Variants in COMP observed in about 807,000 individuals in gnomAD.
The protein encoded by COMP is cartilage oligomeric matrix protein (pseudoachondroplasia, epiphyseal dysplasia 1, multiple).
In COMP, 79 loss-of-function variants were observed where a neutral mutation model predicts 95.8. The observed-to-expected ratio is 0.82, with a 90% confidence interval of 0.69 to 0.99. The LOEUF (loss-of-function observed/expected upper bound fraction) is 0.99. Among genes scored for constraint, COMP ranks in the 50% least tolerant of loss-of-function variants. COMP has a pLI of 0.00. For missense variants in COMP, 906 were observed against 1,076.1 expected, an observed-to-expected ratio of 0.84 and a Z score of 2.21; for synonymous variants, 438 against 433.9, an observed-to-expected ratio of 1.01 and a Z score of -0.12.
In COMP at chr19:18,784,859, G is replaced by A. The variant is rs1214447038; in HGVS notation, c.1914+37C>T. The A allele has an allele frequency of 1.2e-6, 2 of 1,608,346 alleles. No homozygotes were observed. Among genetic ancestry groups the A allele is most frequent in the East Asian group, 2.2e-5 (1 of 44,862 alleles). On this transcript the variant is annotated intron_variant, in intron 16 of 18. Transcript: ENST00000222271. This position sits in a 1 kb window ranked among gnomAD's most constrained non-coding sequence, Gnocchi z 4.9. ...TTTACGGAGGGTCATGGGAGGGCAT[G>A]AGGACCGCAGAGGTCAGGCACGGAC...
chr19:18,788,465 TCA>T lies in COMP; in HGVS notation c.810_811del (p.Asp271ProfsTer18). 6.6e-7 allele frequency: 1 copy of T among 1,522,864 alleles called. No homozygotes were observed. Among genetic ancestry groups the T allele is most frequent in the South Asian group, 1.1e-5 (1 of 89,514 alleles). The allele number at this position is 1,522,864 out of a possible 1,614,324, so 94.3% of individuals were successfully genotyped here. On this transcript the variant is annotated frameshift_variant, in exon 8 of 19. Transcript: ENST00000222271. LOFTEE classifies it high-confidence loss of function. This position sits in a 1 kb window ranked among gnomAD's most constrained non-coding sequence, Gnocchi z 4.7. ...CTTCTCGTCCGGGAAGCCGTCTAGG[TCA>T]GTGTCGCGACCACAGAGGATCCCGT... is the stretch of plus-strand genomic sequence containing the variant.
At position 18,782,831 on chromosome 19, in the gene COMP, C is replaced by T. The variant is rs186977122; in HGVS notation, c.*84G>A. 33 of 1,479,356 alleles carry T rather than the reference C, an allele frequency of 2.2e-5. No homozygotes were observed. Among genetic ancestry groups the T allele is most frequent in the Middle Eastern group, 2.4e-4 (1 of 4,250 alleles). The allele number at this position is 1,479,356 out of a possible 1,614,324, so 91.6% of individuals were successfully genotyped here. On this transcript the variant is annotated 3_prime_UTR_variant, in exon 19 of 19. Transcript: ENST00000222271. ...AGCCCTTCTCACTTCCCCCTCAGGA[C>T]GGCCACCCCTTGGGGCTGGGTGCAG...
At position 18,784,376 on chromosome 19, in the gene COMP, A is replaced by G. The variant is rs1341183010; in HGVS notation, c.1915-13T>C. 4 of 1,613,722 alleles carry G rather than the reference A, an allele frequency of 2.5e-6. No individual in the cohort carries two copies. The highest frequency in any genetic ancestry group is 1.1e-5 in the South Asian group (1 of 91,072). ...AAGACTTCACAGCCTGCCAATACCC[A>G]GGAAAGGTGGTCAGAGACCTCGTGG... On this transcript the variant is annotated splice_polypyrimidine_tract_variant and intron_variant, in intron 16 of 18. Coordinates refer to ENST00000222271, the MANE Select transcript of COMP (RefSeq NM_000095.3). The surrounding 1 kb of genome is among the most constrained non-coding windows in gnomAD (Gnocchi z 4.9).
Position 18,787,474 on chromosome 19 carries a change from A to G in COMP, c.1135+17T>C. 6.2e-7 allele frequency: 1 copy of G among 1,605,660 alleles called. No homozygotes were observed. Among genetic ancestry groups the G allele is most frequent in the Non-Finnish European group, 8.5e-7 (1 of 1,178,782 alleles). ...GCCCGCCGCCTCTCCTCGCCCCCCA[A>G]CCCCCATCGAGCTCACGGTCGCCGT... On this transcript the variant is annotated intron_variant, in intron 10 of 18. Transcript: ENST00000222271.
chr19:18,782,820 C>G lies in COMP; in HGVS notation c.*95G>C. The G allele has an allele frequency of 2.2e-6, 3 of 1,381,864 alleles. No individual in the cohort carries two copies. The highest frequency in any genetic ancestry group is 3.0e-6 in the Non-Finnish European group (3 of 984,038). 85.6% of individuals were successfully genotyped at this position (1,381,864 alleles called of 1,614,324 possible). A position where few individuals can be genotyped will look rare whatever the true frequency, so the allele number is the denominator to read the frequency against. On this transcript the variant is annotated 3_prime_UTR_variant, in exon 19 of 19. Transcript: ENST00000222271. ...TGTCCTCTCTGAGCCCTTCTCACTT[C>G]CCCCTCAGGACGGCCACCCCTTGGG...
chr19:18,790,104 C>T lies in COMP; in HGVS notation c.228G>A (p.Gln76=). The change falls in exon 4 of 19, where the codon CAG becomes CAA. Residue 76 remains glutamine (Q), a synonymous_variant. Coordinates refer to ENST00000222271, the MANE Select transcript of COMP (RefSeq NM_000095.3). ...VMECDACGMQ[Q]SVRTGLPSVR... is the part of the protein sequence containing the mutation. ...CGCTGGGTAGGCCGGTGCGTACTGA[C>T]TGCTGCATCCCTGCGGGGGGGAGGG... 2 of 1,534,614 alleles carry T rather than the reference C, an allele frequency of 1.3e-6. No individual in the cohort carries two copies. The highest frequency in any genetic ancestry group is 1.2e-5 in the South Asian group (1 of 83,442).
intron 9 of COMP, 93 bp from the exon 10 acceptor site, chr19:18,787,743 C>T (rs2055177893): frequency 6.4e-7 from 1 of 1,559,790 alleles, no homozygotes; most frequent in Non-Finnish European, 8.7e-7. Flanking sequence ...GCGTCTCCTC[C>T]TCAAGGAACC....
chr19:18,790,976 G>A lies in COMP; in HGVS notation c.80-41C>T, dbSNP rs376098297. 6.8e-5 allele frequency: 105 copies of A among 1,545,864 alleles called. No homozygotes were observed. The African/African-American group carries it at 1.3e-3, about 19-fold the overall frequency. On this transcript the variant is annotated intron_variant, in intron 1 of 18. Transcript: ENST00000222271. ...ACCTGGTGAGGCGTCATGGGGCCGG[G>A]GAATCCCACCACCAACTCCCACCGT...
rs755776825 is a variant in COMP at position 18,787,517 on chromosome 19, G to C, written c.1109C>G (p.Ala370Gly). 6.2e-7 allele frequency: 1 copy of C among 1,613,342 alleles called. No homozygotes were observed. The highest frequency in any genetic ancestry group is 2.2e-5 in the East Asian group (1 of 44,844). The change falls in exon 10 of 19, where the codon GCG (alanine) becomes GGG (glycine). Residue 370 changes from alanine (A) to glycine (G), a missense_variant. Physicochemically the swap from Ala to Gly is moderately conservative, Grantham distance 60. Transcript: ENST00000222271. The stretch of plus-strand genomic sequence containing the variant: ...GTCGCCGTCGATGTCGTCGTCGCAC[G>C]CATCGCCCCGGCCGTCCTGGTCTGT... ...KDTDQDGRGD[A>G]CDDDIDGDRI...
chr19:18,786,686 G>A (rs2055169893), intron 10 of COMP, 36 bp from the exon 11 acceptor site: 1 of 1,551,608 alleles, frequency 6.4e-7, no homozygotes, highest in Non-Finnish European at 8.9e-7. Flanking sequence ...CCCAAGATTG[G>A]GACCAGGCCA....
Position 18,787,629 on chromosome 19 carries a change from T to G in COMP, c.997A>C (p.Asn333His), listed in dbSNP as rs2055177102. Residue 333 changes from asparagine (N) to histidine (H), a missense_variant, in exon 10 of 19, where the codon AAC becomes CAC. Physicochemically the swap from Asn to His is moderately conservative, Grantham distance 68 (BLOSUM62 1). Coordinates refer to ENST00000222271, the MANE Select transcript of COMP (RefSeq NM_000095.3). ...TCGTCCGTGTTGCGCTGGTCTGGGTTCCGCACCAGCGGGCAGTTGTCCTGG... is the reference window on the plus strand; with the variant it reads ...TCGTCCGTGTTGCGCTGGTCTGGGTGCCGCACCAGCGGGCAGTTGTCCTGG... ...NEKDNCPLVR[N>H]PDQRNTDEDK... 6.2e-7 allele frequency: 1 copy of G among 1,613,832 alleles called. No homozygotes were observed.
rs1201092372 is a variant in COMP at position 18,784,681 on chromosome 19, T to C, written c.1914+215A>G. On this transcript the variant is annotated intron_variant, in intron 16 of 18. Transcript: ENST00000222271. The surrounding 1 kb of genome is among the most constrained non-coding windows in gnomAD (Gnocchi z 4.9). ...GCTGTGTGAGAGGGTTTAGGGTCCATAGGAAGACTGGGGGGCCCTGAGAAT... is the reference window on the plus strand; with the variant it reads ...GCTGTGTGAGAGGGTTTAGGGTCCACAGGAAGACTGGGGGGCCCTGAGAAT... Among the ~76,000 whole-genome samples the C allele has an allele frequency of 6.6e-6, 1 of 151,766 alleles. No individual in the cohort carries two copies. The highest frequency in any genetic ancestry group is 2.4e-5 in the African/African-American group (1 of 41,232).
At position 18,785,525 on chromosome 19, in the gene COMP, T is replaced by C. The variant is rs1601052921; in HGVS notation, c.1690A>G (p.Met564Val). 6.2e-7 allele frequency: 1 copy of C among 1,613,980 alleles called. No homozygotes were observed. Among genetic ancestry groups the C allele is most frequent in the Non-Finnish European group, 8.5e-7 (1 of 1,180,018 alleles). The change falls in exon 15 of 19, where the codon ATG becomes GTG. Residue 564 changes from methionine (M) to valine (V), a missense_variant. Physicochemically the swap from Met to Val is conservative, Grantham distance 21 (BLOSUM62 1). Transcript: ENST00000222271. ...LNQGREIVQT[M>V]NSDPGLAVGY... ...ACAGCCAGGCCTGGGTCGCTGTTCA[T>C]TGTCTGCACGATCTCCCTTCCCTGA... is the stretch of plus-strand genomic sequence containing the variant.
chr19:18,786,827 C>T (rs2055171595), intron 10 of COMP, 177 bp from the exon 11 acceptor site: 1 of 508,460 alleles, frequency 2.0e-6, no homozygotes, highest in African/African-American at 2.4e-5. Context: ...GGCTGGAGTG[C>T]AGTGGCATGA....
At position 18,783,072 on chromosome 19, in the gene COMP, G is replaced by A; in HGVS notation, c.2209C>T (p.Leu737=). The part of the protein sequence containing the change: ...FSQENIIWAN[L]RYRCNDTIPE... ...GGCTCACCATTGCAGCGGTAACGCA[G>A]GTTGGCCCAGATGATGTTCTCCTGG... is the stretch of plus-strand genomic sequence containing the variant. The change falls in exon 18 of 19, where the codon CTG becomes TTG. Residue 737 remains leucine, a synonymous_variant. Coordinates refer to ENST00000222271, the MANE Select transcript of COMP (RefSeq NM_000095.3). The A allele has an allele frequency of 6.2e-6, 10 of 1,612,334 alleles. No homozygotes were observed. The highest frequency in any genetic ancestry group is 7.6e-6 in the Non-Finnish European group (9 of 1,180,002).
chr19:18,787,757 C>G lies in COMP; in HGVS notation c.976-107G>C, dbSNP rs1218046100. ...CGCGTCTCCTCCTCAAGGAACCTTT[C>G]GCCCCTCCTAGACCACGGAGGCCAC... On this transcript the variant is annotated intron_variant, in intron 9 of 18. Transcript: ENST00000222271. 2.7e-6 allele frequency: 4 copies of G among 1,509,102 alleles called. No homozygotes were observed. The Admixed American group carries it at 6.9e-5, about 26-fold the overall frequency. 93.5% of individuals were successfully genotyped at this position (1,509,102 alleles called of 1,614,324 possible).
chr19:18,783,269 G>A, intron 17 of COMP, 76 bp from the exon 18 acceptor site: 1 of 1,568,744 alleles, frequency 6.4e-7, no homozygotes, highest in Non-Finnish European at 8.6e-7. Context: ...GGCCAGCCCT[G>A]GAAGATGGGT....
chr19:18,783,494 G>A (rs1457533476), intron 17 of COMP, among the ~76,000 whole-genome samples: 3 of 152,140 alleles, frequency 2.0e-5, no homozygotes, highest in Admixed American at 6.5e-5. Context: ...CCAGGGTCTC[G>A]CTCTGTCACC....
In COMP at chr19:18,784,124, G is replaced by T; in HGVS notation, c.2087+67C>A. The T allele has an allele frequency of 6.4e-7, 1 of 1,573,246 alleles. No individual in the cohort carries two copies. The highest frequency in any genetic ancestry group is 1.3e-5 in the African/African-American group (1 of 74,168). ...ACCAGGGTCACACAGCCCCTGCCTG[G>T]CCAGGGCACTCCCACCTGGGCCTGT... On this transcript the variant is annotated intron_variant, in intron 17 of 18. Coordinates refer to ENST00000222271, the MANE Select transcript of COMP (RefSeq NM_000095.3). The surrounding 1 kb of genome is among the most constrained non-coding windows in gnomAD (Gnocchi z 4.9).
Sources: gnomAD v4.1 joint callset for allele counts (sites outside exome capture counted in the v4.1 genomes callset) on GRCh38, gnomAD v4.1.1 for gene constraint, Gnocchi (gnomAD v3.1) non-coding constraint, MANE v1.5 for transcripts, NCBI Gene and HGNC (gene_info 2026-07-23, HGNC 2026-07-21) for gene names.